The following CRPPA variants were observed in gnomAD, a reference collection of about 807,000 sequenced individuals.
CRPPA encodes the protein CDP-L-ribitol pyrophosphorylase A.
A neutral mutation model predicts 52.0 loss-of-function variants in CRPPA; 43 were observed. That is an observed-to-expected ratio of 0.83 (90% CI 0.65 to 1.07). CRPPA has a LOEUF of 1.07. CRPPA is among the 50% of genes least tolerant of loss of function. CRPPA has a pLI of 0.00. For synonymous variants in CRPPA, 250 were observed against 203.5 expected (o/e 1.23, Z -1.94); for missense variants, 629 against 551.7 (o/e 1.14, Z -1.40).
At position 16,417,572 on chromosome 7, in the gene CRPPA, C is replaced by T. The variant is rs566188841; in HGVS notation, c.257+3494G>A. On this transcript the variant is annotated intron_variant, in intron 1 of 9. Coordinates refer to ENST00000407010, the MANE Select transcript of CRPPA (RefSeq NM_001101426.4). ...CCAATTACCACAAGTTCTCCTAAGA[C>T]GGAGCTAAACAATGGGTACTCATGG... is the stretch of plus-strand genomic sequence containing the variant. 7.9e-5 allele frequency among the ~76,000 whole-genome samples: 12 copies of T among 152,168 alleles called. No individual in the cohort carries two copies. The South Asian group carries it at 1.2e-3, about 16-fold the overall frequency.
chr7:16,209,044 T>A (rs1379826316), intron 9 of CRPPA: 1 of 436,046 alleles, frequency 2.3e-6, no homozygotes, highest in Non-Finnish European at 4.6e-6. Flanking sequence ...GGATTTTCTG[T>A]ATGCCCAGGG....
chr7:16,182,191 G>A (rs749345978), intron 9 of CRPPA, among the ~76,000 whole-genome samples: 18 of 151,860 alleles, frequency 1.2e-4, no homozygotes, highest in Non-Finnish European at 1.8e-4. Context: ...ATGCCAGGCA[G>A]CATTAATAGG....
chr7:16,280,746 C>T (rs373689946), intron 5 of CRPPA, among the ~76,000 whole-genome samples: 22 of 152,236 alleles, frequency 1.4e-4, no homozygotes, highest in African/African-American at 4.8e-4. Flanking sequence ...GCTGGCCAGG[C>T]ACAGTGGCTC....
intron 5 of CRPPA, among the ~76,000 whole-genome samples, chr7:16,289,893 C>G (rs1784525083): frequency 6.6e-6 from 1 of 152,040 alleles, no homozygotes; most frequent in Non-Finnish European, 1.5e-5. Context: ...GCTGTTCTAT[C>G]ATAGATGACA....
chr7:16,160,814 T>C (rs1783287683), intron 9 of CRPPA, among the ~76,000 whole-genome samples: 1 of 152,212 alleles, frequency 6.6e-6, no homozygotes, highest in South Asian at 2.1e-4. Flanking sequence ...TGTTTTTCCA[T>C]TTGTTTGTAA....
At chr7:16,304,320 A>T (rs1448783535) in intron 4 of CRPPA, among the ~76,000 whole-genome samples, 1 of 152,010 alleles carries the variant, frequency 6.6e-6, no homozygotes, top group East Asian at 1.9e-4. Flanking sequence ...TGGTGTGTTG[A>T]AAGAAAAAAA....
At chr7:16,279,437 G>A (rs1329564432) in intron 5 of CRPPA, among the ~76,000 whole-genome samples, 1 of 152,186 alleles carries the variant, frequency 6.6e-6, no homozygotes, top group Non-Finnish European at 1.5e-5. Flanking sequence ...ACAGGTTCAG[G>A]AAGCTTGAAT....
chr7:16,242,095 C>A (rs1046473853), intron 8 of CRPPA, among the ~76,000 whole-genome samples: 1 of 151,284 alleles, frequency 6.6e-6, no homozygotes, highest in Non-Finnish European at 1.5e-5. Context: ...GATGGAACTA[C>A]AGGCACCCGC....
chr7:16,250,560 G>A (rs1309940526), intron 8 of CRPPA, among the ~76,000 whole-genome samples: 1 of 152,078 alleles, frequency 6.6e-6, no homozygotes, highest in Admixed American at 6.5e-5. Flanking sequence ...AGAGAGTGGG[G>A]GCCAATATTC....
intron 8 of CRPPA, among the ~76,000 whole-genome samples, chr7:16,252,485 A>G (rs1240498566): frequency 1.3e-5 from 2 of 152,094 alleles, no homozygotes; most frequent in Admixed American, 1.3e-4. Flanking sequence ...CCCTTTGAAA[A>G]CTAGCACAAG....
intron 3 of CRPPA, among the ~76,000 whole-genome samples, chr7:16,328,735 G>A (rs1213641928): frequency 6.6e-6 from 1 of 152,038 alleles, no homozygotes; most frequent in Non-Finnish European, 1.5e-5. Context: ...GGCTGGTCTT[G>A]AACTCCTGAC....
At chr7:16,265,283 T>A (rs1043290458) in intron 6 of CRPPA, among the ~76,000 whole-genome samples, 8 of 152,182 alleles carry the variant, frequency 5.3e-5, no homozygotes, top group Non-Finnish European at 1.2e-4. Context: ...ACTCTCCCAA[T>A]CCTAGATGCT....
chr7:16,417,870 C>T (rs529675166), intron 1 of CRPPA, among the ~76,000 whole-genome samples: 16 of 152,122 alleles, frequency 1.1e-4, no homozygotes, highest in African/African-American at 3.6e-4. Flanking sequence ...CTTAGAATAA[C>T]CTAAATGATT....
intron 8 of CRPPA, among the ~76,000 whole-genome samples, chr7:16,249,290 T>A (rs1162531601): frequency 6.6e-6 from 1 of 152,116 alleles, no homozygotes; most frequent in African/African-American, 2.4e-5. Context: ...AAGGGGCAGC[T>A]GTGGGCGCAG....
chr7:16,297,276 C>T (rs909442944), intron 5 of CRPPA, among the ~76,000 whole-genome samples: 10 of 152,290 alleles, frequency 6.6e-5, no homozygotes, highest in Admixed American at 6.5e-4. Flanking sequence ...ACATATAAGG[C>T]ACCTAGCATG....
chr7:16,400,896 G>A (rs1467195379), intron 2 of CRPPA, among the ~76,000 whole-genome samples: 2 of 152,210 alleles, frequency 1.3e-5, no homozygotes, highest in Non-Finnish European at 2.9e-5. Flanking sequence ...AAGAGACACA[G>A]GGTGAGGTCT....
intron 3 of CRPPA, among the ~76,000 whole-genome samples, chr7:16,374,226 G>A (rs1365034604): frequency 6.6e-6 from 1 of 152,108 alleles, no homozygotes; most frequent in Non-Finnish European, 1.5e-5. Context: ...GCAGAAGAAG[G>A]TGGGATAAGC....
At chr7:16,415,824 T>C (rs192798992) in intron 1 of CRPPA, among the ~76,000 whole-genome samples, 41 of 152,318 alleles carry the variant, frequency 2.7e-4, no homozygotes, top group Middle Eastern at 3.4e-3. Flanking sequence ...AACAAATGTA[T>C]GTGTAAGTGG....
In CRPPA at chr7:16,133,016, G is replaced by A. The variant is rs1370047907; in HGVS notation, c.1252-41217C>T. Among the ~76,000 whole-genome samples the A allele has an allele frequency of 1.6e-5, 2 of 122,862 alleles. 1 individual carries two copies. The highest frequency in any genetic ancestry group is 5.3e-5 in the African/African-American group (2 of 37,934). The allele number at this position is 122,862 out of a possible 152,430, so 80.6% of individuals were successfully genotyped here. ...TACAAAAAATACAAAAATTAGTCAG[G>A]CATAGTGGCCTGTGTCTGTAGTTCC... On this transcript the variant is annotated intron_variant, in intron 9 of 9. Coordinates refer to ENST00000407010, the MANE Select transcript of CRPPA (RefSeq NM_001101426.4).
Sources: gnomAD v4.1 joint callset for allele counts (sites outside exome capture counted in the v4.1 genomes callset) on GRCh38, gnomAD v4.1.1 for gene constraint, MANE v1.5 for transcripts, NCBI Gene and HGNC (gene_info 2026-07-23, HGNC 2026-07-21) for gene names.